Variants in SLC22A16 observed in about 807,000 individuals in gnomAD.
SLC22A16 encodes the protein solute carrier family 22 member 16, also known as WUGSC:RG331P03.1.
Under a neutral mutation model 52.9 loss-of-function variants are expected in SLC22A16, and 53 were observed. The observed-to-expected ratio is 1.00, with a 90% confidence interval of 0.80 to 1.26. SLC22A16 has a LOEUF of 1.26. Ranked by LOEUF, SLC22A16 falls within the 50% of genes most tolerant of loss-of-function variation. The pLI is 0.00. For synonymous variants in SLC22A16, 291 were observed against 268.8 expected (o/e 1.08, Z -0.81); for missense variants, 726 against 704.0 (o/e 1.03, Z -0.35).
At chr6:110,441,770 A>T (rs1023362010) in intron 4 of SLC22A16, among the ~76,000 whole-genome samples, 8 of 152,296 alleles carry the variant, frequency 5.3e-5, no homozygotes, top group African/African-American at 1.9e-4. Context: ...ATGGGAAATC[A>T]CTAGGCAGCC....
intron 1 of SLC22A16, among the ~76,000 whole-genome samples, chr6:110,464,536 A>G (rs1028880045): frequency 5.3e-5 from 8 of 152,130 alleles, no homozygotes; most frequent in Admixed American, 4.6e-4. Flanking sequence ...TGCACACACT[A>G]GAAAACCCAG....
intron 6 of SLC22A16, among the ~76,000 whole-genome samples, chr6:110,433,792 G>A (rs1190741298): frequency 1.3e-5 from 2 of 152,168 alleles, no homozygotes; most frequent in Admixed American, 6.5e-5. Context: ...TTAGGAAAAT[G>A]CCACTTGGAG....
intron 4 of SLC22A16, 59 bp from the exon 5 acceptor site, chr6:110,438,906 C>T (rs1425064888): frequency 4.1e-5 from 66 of 1,597,726 alleles, no homozygotes; most frequent in Non-Finnish European, 5.5e-5. Context: ...AAGGGGACCC[C>T]CGTCTTCTAA....
intron 2 of SLC22A16, among the ~76,000 whole-genome samples, chr6:110,451,953 A>C (rs1468265409): frequency 6.6e-6 from 1 of 152,204 alleles, no homozygotes; most frequent in Non-Finnish European, 1.5e-5. Flanking sequence ...AAATGTTAGA[A>C]AATGAATCCA....
rs866113282 is a variant in SLC22A16, at chr6:110,476,442, C to A, written c.53+80G>T. The A allele has an allele frequency of 8.6e-5, 123 of 1,426,014 alleles. No homozygotes were observed. The Middle Eastern group carries it at 3.0e-3, about 35-fold the overall frequency. The allele number at this position is 1,426,014 out of a possible 1,614,324, so 88.3% of individuals were successfully genotyped here. On this transcript the variant is annotated intron_variant, in intron 1 of 7. Coordinates refer to ENST00000368919, the MANE Select transcript of SLC22A16 (RefSeq NM_033125.4). ...ATGTTTTCGGATCGCGAGCGCCGCG[C>A]GAGAACCCCGCCGCAACGGAAAGAA...
chr6:110,426,883 G>C (rs1774277805), intron 7 of SLC22A16, among the ~76,000 whole-genome samples: 1 of 152,002 alleles, frequency 6.6e-6, no homozygotes, highest in South Asian at 2.1e-4. Flanking sequence ...CCAGTAGGCA[G>C]AGGTTGCAGT....
At position 110,456,811 on chromosome 6, in the gene SLC22A16, G is replaced by A. The variant is rs201910262; in HGVS notation, c.260C>T (p.Thr87Met). The change falls in exon 2 of 8, where the codon ACG (threonine) becomes ATG (methionine). Residue 87 changes from threonine (T) to methionine (M), a missense_variant. By Grantham distance (81) the Thr-to-Met change is moderately conservative. Transcript: ENST00000368919. ...GATCTCACCATTCTGCAACTGCACC[G>A]TAACATAATCTTTCTGGCCTGAAGA... ...LLSSGQKDYV[T>M]VQLQNGEIWE... 8.0e-5 allele frequency: 129 copies of A among 1,614,132 alleles called. No homozygotes were observed. The highest frequency in any genetic ancestry group is 6.2e-4 in the East Asian group (28 of 44,890).
At chr6:110,462,072 C>T (rs1775905685) in intron 1 of SLC22A16, among the ~76,000 whole-genome samples, 1 of 152,190 alleles carries the variant, frequency 6.6e-6, no homozygotes, top group South Asian at 2.1e-4. Context: ...TGCAGAGAAA[C>T]TCCCATTTTT....
chr6:110,424,847 G>A lies in SLC22A16; in HGVS notation c.*26C>T, dbSNP rs145425760. 362 of 1,613,250 alleles carry A rather than the reference G, an allele frequency of 2.2e-4. 3 individuals carry two copies. In the East Asian group the frequency reaches 7.1e-3, roughly 31 times the overall value. On this transcript the variant is annotated 3_prime_UTR_variant, in exon 8 of 8. Coordinates refer to ENST00000368919, the MANE Select transcript of SLC22A16 (RefSeq NM_033125.4). ...AGGCATTAGGGTAAATAATATTTCA[G>A]GTGCTAGACAGCAGGCATGGCACAT... is the stretch of plus-strand genomic sequence containing the variant.
chr6:110,448,971 G>A (rs1775275744), intron 2 of SLC22A16, among the ~76,000 whole-genome samples: 1 of 151,628 alleles, frequency 6.6e-6, no homozygotes, highest in African/African-American at 2.4e-5. Context: ...TTTCAGTTTA[G>A]TCTCCTCCAA....
chr6:110,457,723 AAG>A (rs2114994104), intron 1 of SLC22A16, among the ~76,000 whole-genome samples: 1 of 152,328 alleles, frequency 6.6e-6, no homozygotes, highest in Admixed American at 6.5e-5. Flanking sequence ...ACCAGAAGAC[AAG>A]AGTGTGAACC....
intron 7 of SLC22A16, among the ~76,000 whole-genome samples, chr6:110,429,976 A>G (rs1475699235): frequency 6.6e-6 from 1 of 152,020 alleles, no homozygotes. Flanking sequence ...GGGAAGCTGC[A>G]TGAGGAATAG....
In SLC22A16 at chr6:110,456,626, C is replaced by G. The variant is rs200786259; in HGVS notation, c.445G>C (p.Asp149His). The change falls in exon 2 of 8, where the codon GAC becomes CAC. Residue 149 changes from aspartate (D) to histidine (H), a missense_variant. By Grantham distance (81) the Asp-to-His change is moderately conservative (BLOSUM62 -1). Coordinates refer to ENST00000368919, the MANE Select transcript of SLC22A16 (RefSeq NM_033125.4). ...ATCAGCATTGCAAGCCATTTTCGGT[C>G]ACAGACCAGGTTCCACTGGGTCACC... ...TAVTQWNLVC[D>H]RKWLAMLIQP... 4.9e-4 allele frequency: 792 copies of G among 1,614,174 alleles called. 1 individual carries two copies. Among genetic ancestry groups the G allele is most frequent in the Non-Finnish European group, 6.4e-4 (756 of 1,180,026 alleles).
chr6:110,450,297 A>G (rs749991073), intron 2 of SLC22A16, among the ~76,000 whole-genome samples: 28 of 152,200 alleles, frequency 1.8e-4, no homozygotes, highest in Non-Finnish European at 3.5e-4. Flanking sequence ...TTGTCCATAA[A>G]TGCGAGTTTT....
At chr6:110,434,705 C>T (rs1476860838) in intron 6 of SLC22A16, among the ~76,000 whole-genome samples, 4 of 152,126 alleles carry the variant, frequency 2.6e-5, no homozygotes, top group East Asian at 1.9e-4. Flanking sequence ...CTCGGCTAGG[C>T]GTGGTGGCTC....
chr6:110,434,301 G>C (rs189617000), intron 6 of SLC22A16, among the ~76,000 whole-genome samples: 5 of 152,194 alleles, frequency 3.3e-5, no homozygotes, highest in African/African-American at 4.8e-5. Context: ...TTATAGCTGG[G>C]GTCCCAGCTG....
chr6:110,445,033 C>T (rs1270182391), intron 3 of SLC22A16, among the ~76,000 whole-genome samples: 1 of 152,170 alleles, frequency 6.6e-6, no homozygotes, highest in Non-Finnish European at 1.5e-5. Context: ...AATCCACTCA[C>T]ACCCATCCCT....
intron 1 of SLC22A16, among the ~76,000 whole-genome samples, chr6:110,461,149 C>T (rs1230579469): frequency 6.6e-6 from 1 of 152,152 alleles, no homozygotes; most frequent in African/African-American, 2.4e-5. Flanking sequence ...GGCCCATCTA[C>T]CGCTCCCTAC....
At chr6:110,458,465 A>G (rs1775751198) in intron 1 of SLC22A16, among the ~76,000 whole-genome samples, 1 of 152,250 alleles carries the variant, frequency 6.6e-6, no homozygotes, top group Non-Finnish European at 1.5e-5. Context: ...TGGCCCCTAC[A>G]GCCAGTTGGA....
Sources: allele counts gnomAD v4.1 joint callset (sites outside exome capture counted in the v4.1 genomes callset), GRCh38; gene constraint gnomAD v4.1.1; transcripts MANE v1.5; gene names NCBI Gene and HGNC (gene_info 2026-07-23, HGNC 2026-07-21).